NKPD1: variants seen among roughly 807,000 people sequenced by gnomAD.
NKPD1 encodes NTPase KAP family P-loop domain-containing protein 1.
A neutral mutation model predicts 42.2 loss-of-function variants in NKPD1; 37 were observed. The ratio of observed to expected loss-of-function variants is 0.88; its 90% confidence interval spans 0.67 to 1.15. NKPD1 has a LOEUF of 1.15. Ranked by LOEUF, NKPD1 falls within the 50% of genes most tolerant of loss-of-function variation. The pLI is 0.00. For missense variants in NKPD1, 1,113 were observed against 1,174.6 expected, an observed-to-expected ratio of 0.95 and a Z score of 0.77; for synonymous variants, 552 against 536.5, an observed-to-expected ratio of 1.03 and a Z score of -0.40.
intron 3 of NKPD1, among the ~76,000 whole-genome samples, chr19:45,157,518 C>T (rs564388151): frequency 1.9e-4 from 29 of 150,356 alleles, no homozygotes; most frequent in Non-Finnish European, 4.0e-4. Flanking sequence ...CTCAAGGGAT[C>T]CTCCTTCTTC....
intron 2 of NKPD1, among the ~76,000 whole-genome samples, chr19:45,159,304 G>C (rs1968964617): frequency 6.6e-6 from 1 of 152,206 alleles, no homozygotes; most frequent in African/African-American, 2.4e-5. Context: ...TGGCGGGGGA[G>C]CAGGGAAGGT....
At chr19:45,157,742 T>TTTTTA (rs1968930973) in intron 3 of NKPD1, among the ~76,000 whole-genome samples, 1 of 127,890 alleles carries the variant, frequency 7.8e-6, no homozygotes. Flanking sequence ...TTTTTTTTTT[T>TTTTTA]GAGACAGAGT....
upstream of NKPD1, among the ~76,000 whole-genome samples, chr19:45,161,730 G>A (rs1309532499): frequency 6.6e-6 from 1 of 152,244 alleles, no homozygotes; most frequent in African/African-American, 2.4e-5. Context: ...TGAGGGGTGA[G>A]GGCCGGGGTA....
At position 45,153,706 on chromosome 19, in the gene NKPD1, G is replaced by A. The variant is rs1337726870; in HGVS notation, c.731C>T (p.Ala244Val). Residue 244 changes from alanine to valine, a missense_variant, in exon 5 of 5, where the codon GCC becomes GTC. This residue lies in a region of NKPD1 where 867 missense variants were observed against 870.1 expected (regional missense o/e 1.00). Transcript: ENST00000686631. Reference sequence around the variant, plus strand: ...CTGCGGGACGCCCCAGCCGCTCACGGCACGCGGCCGCCACTGCACGTGCTG... The same window carrying A: ...CTGCGGGACGCCCCAGCCGCTCACGACACGCGGCCGCCACTGCACGTGCTG... ...ELQHVQWRPR[A>V]VSGWGVPQLL... 5 of 1,536,528 alleles carry A rather than the reference G, an allele frequency of 3.3e-6. No homozygotes were observed. The highest frequency in any genetic ancestry group is 4.4e-6 in the Non-Finnish European group (5 of 1,137,488).
chr19:45,156,091 G>A (rs1035090444), intron 3 of NKPD1, among the ~76,000 whole-genome samples, 175 bp from the exon 4 acceptor site: 1 of 152,146 alleles, frequency 6.6e-6, no homozygotes, highest in Non-Finnish European at 1.5e-5. Flanking sequence ...TCACCTCCAG[G>A]GCGAGCTGTG....
chr19:45,155,026 A>T (rs1281937766), intron 4 of NKPD1, among the ~76,000 whole-genome samples: 1 of 116,472 alleles, frequency 8.6e-6, no homozygotes, highest in African/African-American at 6.5e-5. Flanking sequence ...CTCCATTTAA[A>T]AAAAAAAAAA....
Position 45,158,081 on chromosome 19 carries a change from T to C in NKPD1, c.529+582A>G, listed in dbSNP as rs890383706. 2.6e-5 allele frequency among the ~76,000 whole-genome samples: 4 copies of C among 152,142 alleles called. No homozygotes were observed. Among genetic ancestry groups the C allele is most frequent in the African/African-American group, 9.7e-5 (4 of 41,424 alleles). On this transcript the variant is annotated intron_variant, in intron 3 of 4. Coordinates refer to ENST00000686631, the MANE Select transcript of NKPD1 (RefSeq NM_198478.4). This position sits in a 1 kb window ranked among gnomAD's most constrained non-coding sequence, Gnocchi z 4.6. ...GTACCTGCCCCCGGCTGCAATGCAA[T>C]GTGAGCCCCATGAAGACAAGAGATG... is the stretch of plus-strand genomic sequence containing the variant.
chr19:45,155,755 TCCCCCCAACAAACACACACAG>T lies in NKPD1; in HGVS notation c.661+9_661+29del. On this transcript the variant is annotated intron_variant, in intron 4 of 4. Coordinates refer to ENST00000686631, the MANE Select transcript of NKPD1 (RefSeq NM_198478.4). Reference sequence around the variant, plus strand: ...GGACCAGAGGCCCTGTTTCTCATCCTCCCCCCAACAAACACACACAGCTCCTCACCCGTGATCTTGTCCAGC... The same window carrying T: ...GGACCAGAGGCCCTGTTTCTCATCCTCTCCTCACCCGTGATCTTGTCCAGC... The T allele has an allele frequency of 7.8e-7, 1 of 1,283,716 alleles. No individual in the cohort carries two copies. The highest frequency in any genetic ancestry group is 1.0e-6 in the Non-Finnish European group (1 of 972,390). The allele number at this position is 1,283,716 out of a possible 1,614,324, so 79.5% of individuals were successfully genotyped here.
chr19:45,162,228 C>T (rs533109812), upstream of NKPD1, among the ~76,000 whole-genome samples: 6 of 152,224 alleles, frequency 3.9e-5, no homozygotes, highest in Admixed American at 2.6e-4. Context: ...GGGGAGCAGG[C>T]GTTTGGGGAG....
chr19:45,156,013 T>G, intron 3 of NKPD1, 97 bp from the exon 4 acceptor site: 3 of 1,158,726 alleles, frequency 2.6e-6, no homozygotes, highest in Non-Finnish European at 3.4e-6. Flanking sequence ...AGCCCCTTCC[T>G]GGCACCCTGT....
rs1599726650 is a variant in NKPD1 at position 45,160,948 on chromosome 19, G to A, written c.-95C>T. 6.6e-6 allele frequency among the ~76,000 whole-genome samples: 1 copy of A among 152,080 alleles called. No homozygotes were observed. The highest frequency in any genetic ancestry group is 1.5e-5 in the Non-Finnish European group (1 of 67,996). On this transcript the variant is annotated 5_prime_UTR_variant, in exon 1 of 5. Transcript: ENST00000686631. ...ACCTGACGGTGGCCTCACGGCCCCA[G>A]CTGCCTGCCCCACGAGCAGCTGCCA...
rs1298657396 is a variant in NKPD1 at position 45,160,082 on chromosome 19, G to A, written c.69C>T (p.Asp23=). The A allele has an allele frequency of 7.7e-7, 1 of 1,304,546 alleles. No individual in the cohort carries two copies. 80.8% of individuals were successfully genotyped at this position (1,304,546 alleles called of 1,614,324 possible). A position where few individuals can be genotyped will look rare whatever the true frequency, so the allele number is the denominator to read the frequency against. Reference sequence around the variant, plus strand: ...TACCTTTTCGGTGCCCCAACTCTGGGTCCCAGAAGTAGTGCCCGTTGGGGC... The same window carrying A: ...TACCTTTTCGGTGCCCCAACTCTGGATCCCAGAAGTAGTGCCCGTTGGGGC... ...AQSPNGHYFW[D]PELGHRKGCC... The change falls in exon 2 of 5, where the codon GAC becomes GAT. Residue 23 remains aspartate (D), a synonymous_variant. Transcript: ENST00000686631.
In NKPD1 at chr19:45,158,506, C is replaced by G. The variant is rs1249982716; in HGVS notation, c.529+157G>C. ...AACAGGCAAAGCTGAGGCAGCCAGC[C>G]TGAGCCCCATGGCCAGGGACGCACC... is the stretch of plus-strand genomic sequence containing the variant. On this transcript the variant is annotated intron_variant, in intron 3 of 4. Transcript: ENST00000686631. This position sits in a 1 kb window ranked among gnomAD's most constrained non-coding sequence, Gnocchi z 4.6. 6.6e-6 allele frequency among the ~76,000 whole-genome samples: 1 copy of G among 152,272 alleles called. No individual in the cohort carries two copies. The highest frequency in any genetic ancestry group is 1.5e-5 in the Non-Finnish European group (1 of 68,050).
Position 45,153,338 on chromosome 19 carries a change from G to A in NKPD1, c.1099C>T (p.Leu367=). 1.3e-6 allele frequency: 2 copies of A among 1,568,470 alleles called. No individual in the cohort carries two copies. Among genetic ancestry groups the A allele is most frequent in the Non-Finnish European group, 1.7e-6 (2 of 1,159,090 alleles). Residue 367 remains leucine, a synonymous_variant, in exon 5 of 5, where the codon CTG becomes TTG. Transcript: ENST00000686631. ...LLYLSLGGHA[L]GHGSPSGSLL... is the part of the protein sequence containing the mutation. ...CTGCCGCTCGGGCTGCCGTGGCCCA[G>A]CGCGTGGCCGCCCAGTGACAAGTAG...
chr19:45,157,719 CTTTTTTTTTTTT>C (rs34991759), intron 3 of NKPD1, among the ~76,000 whole-genome samples: 2 of 83,352 alleles, frequency 2.4e-5, no homozygotes, highest in Non-Finnish European at 4.5e-5. Context: ...CCCAGACATA[CTTTTTTTTTTTT>C]TTTTTTTTTT....
chr19:45,157,747 CAG>C (rs1391848072), intron 3 of NKPD1, among the ~76,000 whole-genome samples: 3 of 89,444 alleles, frequency 3.4e-5, no homozygotes, highest in African/African-American at 8.7e-5. Flanking sequence ...TTTTTTGAGA[CAG>C]AGTCTTGCTC....
rs1464471235 is a variant in NKPD1, at chr19:45,153,794, GGAGCCGCGT to G, written c.662-28_662-20del. The G allele has an allele frequency of 5.6e-6, 8 of 1,432,024 alleles. No homozygotes were observed. Among genetic ancestry groups the G allele is most frequent in the Non-Finnish European group, 6.4e-6 (7 of 1,093,758 alleles). The allele number at this position is 1,432,024 out of a possible 1,614,324, so 88.7% of individuals were successfully genotyped here. ...ATCAGCGCTGCGGGAAGGGAGCCCG[GGAGCCGCGT>G]GAGCCGCAGACCCGCCGGGGTGGGC... On this transcript the variant is annotated intron_variant, in intron 4 of 4. Transcript: ENST00000686631.
Position 45,158,737 on chromosome 19 carries a change from T to C in NKPD1, c.455A>G (p.Lys152Arg), listed in dbSNP as rs1369993566. ...ALPSAAGVLL[K>R]PSEPTDARPL... ...CCGGGCATCAGTGGGCTCGCTGGGC[T>C]TCAGGAGGACGCCAGCCGCGGAGGG... The change falls in exon 3 of 5, where the codon AAG becomes AGG. Residue 152 changes from lysine to arginine, a missense_variant. Lys to Arg is a conservative substitution (Grantham distance 26). Coordinates refer to ENST00000686631, the MANE Select transcript of NKPD1 (RefSeq NM_198478.4). This position sits in a 1 kb window ranked among gnomAD's most constrained non-coding sequence, Gnocchi z 4.6. The C allele has an allele frequency of 1.7e-6, 2 of 1,208,730 alleles. No individual in the cohort carries two copies. Among genetic ancestry groups the C allele is most frequent in the Non-Finnish European group, 2.1e-6 (2 of 945,534 alleles). The allele number at this position is 1,208,730 out of a possible 1,614,324, so 74.9% of individuals were successfully genotyped here. A position where few individuals can be genotyped will look rare whatever the true frequency, so the allele number is the denominator to read the frequency against.
intron 2 of NKPD1, among the ~76,000 whole-genome samples, chr19:45,159,335 G>A (rs1466035507): frequency 1.3e-5 from 2 of 152,176 alleles, no homozygotes. Context: ...ACTTCAGCTG[G>A]GGGCAGAGAG....
Sources: gnomAD v4.1 joint callset for allele counts (sites outside exome capture counted in the v4.1 genomes callset) on GRCh38, gnomAD v4.1.1 for gene constraint, gnomAD v4.1.1 regional missense constraint, Gnocchi (gnomAD v3.1) non-coding constraint, MANE v1.5 for transcripts, NCBI Gene and HGNC (gene_info 2026-07-23, HGNC 2026-07-21) for gene names.